The following MED13L variants were observed in gnomAD, a reference collection of about 807,000 sequenced individuals.
The protein encoded by MED13L is mediator complex subunit 13L.
In MED13L, 7 loss-of-function variants were observed where a neutral mutation model predicts 220.9. That is an observed-to-expected ratio of 0.03 (90% CI 0.02 to 0.06). The LOEUF (loss-of-function observed/expected upper bound fraction) is 0.06, where lower values mean the gene tolerates loss of function less well. Among genes scored for constraint, MED13L ranks in the 10% least tolerant of loss-of-function variants. The probability of loss-of-function intolerance (pLI) is 1.00; values close to 1 mark genes in which losing one functional copy is unlikely to be tolerated. For missense variants in MED13L, 1,965 were observed against 2,760.5 expected (o/e 0.71, Z 6.46); for synonymous variants, 1,011 against 1,015.2 (o/e 1.00, Z 0.08).
rs1593175383 is a variant in MED13L at position 116,217,071 on chromosome 12, T to C, written c.310+20397A>G. Among the ~76,000 whole-genome samples, 7 of 152,318 alleles carry C rather than the reference T, an allele frequency of 4.6e-5. 2 individuals carry two copies. In the South Asian group the frequency reaches 1.4e-3, roughly 32 times the overall value. ...GGTGATAATTTGGGAAGTCTTTCCC[T>C]TTACCTTGACAGAGTATCAACTGAA... On this transcript the variant is annotated intron_variant, in intron 2 of 30. Coordinates refer to ENST00000281928, the MANE Select transcript of MED13L (RefSeq NM_015335.5).
chr12:116,085,054 T>A (rs1295371315), intron 4 of MED13L, among the ~76,000 whole-genome samples: 1 of 152,198 alleles, frequency 6.6e-6, no homozygotes, highest in African/African-American at 2.4e-5. Context: ...ACTACTCAAT[T>A]TCAAGAGTAC....
chr12:116,086,709 C>T (rs1350436543), intron 4 of MED13L, among the ~76,000 whole-genome samples: 1 of 152,136 alleles, frequency 6.6e-6, no homozygotes, highest in African/African-American at 2.4e-5. Flanking sequence ...ATAATTTCTA[C>T]GAACCATACT....
chr12:115,961,988 G>A (rs891624937), intron 30 of MED13L, among the ~76,000 whole-genome samples: 2 of 151,276 alleles, frequency 1.3e-5, no homozygotes, highest in African/African-American at 2.4e-5. Context: ...AAAAGAAAAC[G>A]AAAAAAAGAA....
intron 4 of MED13L, among the ~76,000 whole-genome samples, chr12:116,055,803 G>A (rs575716021): frequency 1.2e-4 from 18 of 152,102 alleles, no homozygotes; most frequent in East Asian, 1.9e-4. Flanking sequence ...CTGGAGGCAC[G>A]AGAATCGCTT....
intron 16 of MED13L, among the ~76,000 whole-genome samples, chr12:115,993,318 ATT>A (rs1175133046): frequency 6.6e-6 from 1 of 152,102 alleles, no homozygotes; most frequent in Non-Finnish European, 1.5e-5. Context: ...TATTTTTAAA[ATT>A]TTTTAATATC....
At chr12:116,117,313 G>A (rs913424015) in intron 2 of MED13L, among the ~76,000 whole-genome samples, 7 of 152,094 alleles carry the variant, frequency 4.6e-5, no homozygotes, top group African/African-American at 1.2e-4. Context: ...AAGGGACACC[G>A]GAAATTTGAG....
chr12:116,189,166 A>G (rs1881100347), intron 2 of MED13L, among the ~76,000 whole-genome samples: 1 of 152,152 alleles, frequency 6.6e-6, no homozygotes, highest in South Asian at 2.1e-4. Flanking sequence ...CATCCTCTCC[A>G]GCATTTGGTG....
chr12:115,977,944 C>T (rs1398929452), intron 23 of MED13L, among the ~76,000 whole-genome samples: 1 of 152,058 alleles, frequency 6.6e-6, no homozygotes, highest in South Asian at 2.1e-4. Flanking sequence ...TGCAAGTAAC[C>T]GTGATCTTGC....
chr12:115,965,980 A>AAAG lies in MED13L; in HGVS notation c.6387+101_6387+102insCTT, dbSNP rs1410163336. 781 of 1,385,690 alleles carry AAAG rather than the reference A, an allele frequency of 5.6e-4. 6 individuals carry two copies. In the African/African-American group the frequency reaches 0.01, roughly 18 times the overall value. 85.8% of individuals were successfully genotyped at this position (1,385,690 alleles called of 1,614,324 possible). Reference sequence around the variant, plus strand: ...AGTAGATACAAGAGAAAAAAGGAACAGAATAAGATTATGGTGACTAAAACT... The same window carrying AAAG: ...AGTAGATACAAGAGAAAAAAGGAACAAAGGAATAAGATTATGGTGACTAAAACT... On this transcript the variant is annotated intron_variant, in intron 29 of 30. Coordinates refer to ENST00000281928, the MANE Select transcript of MED13L (RefSeq NM_015335.5).
rs370300602 is a variant in MED13L at position 116,241,150 on chromosome 12, T to A, written c.73-3445A>T. Among the ~76,000 whole-genome samples the A allele has an allele frequency of 4.5e-4, 68 of 150,850 alleles. 1 individual carries two copies. The South Asian group carries it at 0.014, about 31-fold the overall frequency. On this transcript the variant is annotated intron_variant, in intron 1 of 30. Coordinates refer to ENST00000281928, the MANE Select transcript of MED13L (RefSeq NM_015335.5). ...GGTGAAATCCCATCTCTACTAAAAA[T>A]ACAAAAATTAGCGGGGCGTGGTGGT...
At chr12:116,001,100 T>C (rs1230318578) in intron 14 of MED13L, among the ~76,000 whole-genome samples, 2 of 152,238 alleles carry the variant, frequency 1.3e-5, no homozygotes, top group Non-Finnish European at 2.9e-5. Context: ...ATTTCTTTTT[T>C]TAAATAGCCA....
chr12:116,015,949 G>GT (rs558825455), intron 7 of MED13L, among the ~76,000 whole-genome samples: 3 of 151,876 alleles, frequency 2.0e-5, no homozygotes, highest in Non-Finnish European at 4.4e-5. Context: ...ACTCCACTTA[G>GT]TTTTTTCAAA....
At chr12:116,063,871 G>T (rs2137649256) in intron 4 of MED13L, among the ~76,000 whole-genome samples, 1 of 152,196 alleles carries the variant, frequency 6.6e-6, no homozygotes, top group Admixed American at 6.5e-5. Context: ...AAAATCCACA[G>T]ATGCTTAAGT....
intron 3 of MED13L, among the ~76,000 whole-genome samples, chr12:116,106,406 G>C (rs953462966): frequency 6.6e-6 from 1 of 152,132 alleles, no homozygotes; most frequent in Non-Finnish European, 1.5e-5. Flanking sequence ...TGATCCCAAA[G>C]AACAGAGTTA....
chr12:116,128,034 C>A (rs532357977), intron 2 of MED13L, among the ~76,000 whole-genome samples: 1 of 152,140 alleles, frequency 6.6e-6, no homozygotes, highest in African/African-American at 2.4e-5. Flanking sequence ...CTCCTCCAAG[C>A]GGCATTCCCT....
At chr12:116,157,856 C>T (rs1878565129) in intron 2 of MED13L, among the ~76,000 whole-genome samples, 1 of 152,134 alleles carries the variant, frequency 6.6e-6, no homozygotes, top group Non-Finnish European at 1.5e-5. Context: ...CAATACTGAG[C>T]CCTTAGTGCC....
chr12:116,185,657 TCTTTTCTTTTCTTTTC>T (rs1238665095), intron 2 of MED13L, among the ~76,000 whole-genome samples: 1 of 1,142 alleles, frequency 8.8e-4, no homozygotes, highest in South Asian at 0.071. Context: ...CACATGCTTT[TCTTTTCTTTTCTTTTC>T]TTTTCTTTTC....
chr12:116,182,492 ACT>A (rs998314752), intron 2 of MED13L, among the ~76,000 whole-genome samples: 1 of 151,514 alleles, frequency 6.6e-6, no homozygotes, highest in African/African-American at 2.4e-5. Context: ...TGTACTCCAT[ACT>A]CTCTCTTTTC....
At chr12:116,047,678 C>T (rs1015802166) in intron 4 of MED13L, among the ~76,000 whole-genome samples, 1 of 152,192 alleles carries the variant, frequency 6.6e-6, no homozygotes, top group South Asian at 2.1e-4. Flanking sequence ...GGTCTTCTGA[C>T]AGATCTAAGG....
Sources: gnomAD v4.1 joint callset for allele counts (sites outside exome capture counted in the v4.1 genomes callset) on GRCh38, gnomAD v4.1.1 for gene constraint, MANE v1.5 for transcripts, NCBI Gene and HGNC (gene_info 2026-07-23, HGNC 2026-07-21) for gene names.